The following PPM1H variants were observed in gnomAD, a reference collection of about 807,000 sequenced individuals.
The protein encoded by PPM1H is protein phosphatase, Mg2+/Mn2+ dependent 1H, also known as protein phosphatase 1H.
A neutral mutation model predicts 54.9 loss-of-function variants in PPM1H; 27 were observed. The ratio of observed to expected loss-of-function variants is 0.49; its 90% CI spans 0.36 to 0.68. PPM1H has a LOEUF of 0.68. PPM1H is among the 30% of genes least tolerant of loss of function. PPM1H has a pLI of 0.00. For synonymous variants in PPM1H, 305 were observed against 270.8 expected, an observed-to-expected ratio of 1.13 and a Z score of -1.24; for missense variants, 596 against 667.8, an observed-to-expected ratio of 0.89 and a Z score of 1.19.
intron 9 of PPM1H, among the ~76,000 whole-genome samples, chr12:62,664,459 T>A (rs570289098): frequency 6.6e-6 from 1 of 152,216 alleles, no homozygotes; most frequent in Admixed American, 6.5e-5. Context: ...ACCCTTTCTA[T>A]TATTTTAACA....
chr12:62,741,931 C>A (rs990365378), intron 4 of PPM1H, among the ~76,000 whole-genome samples: 1 of 152,032 alleles, frequency 6.6e-6, no homozygotes, highest in Non-Finnish European at 1.5e-5. Context: ...AACTTATAGT[C>A]TGAGCCCTTA....
chr12:62,657,396 C>T (rs1216585006), intron 9 of PPM1H, among the ~76,000 whole-genome samples: 1 of 152,154 alleles, frequency 6.6e-6, no homozygotes, highest in African/African-American at 2.4e-5. Flanking sequence ...AGGGGCCACA[C>T]AGCTCTGCCA....
At chr12:62,771,824 C>T (rs73314583) in intron 4 of PPM1H, among the ~76,000 whole-genome samples, 2,184 of 152,262 alleles carry the variant, frequency 0.014, 48 homozygotes, top group African/African-American at 0.05. Flanking sequence ...CCCCACACCC[C>T]GTTACAATGT....
intron 1 of PPM1H, among the ~76,000 whole-genome samples, chr12:62,915,901 T>G (rs941196495): frequency 3.9e-5 from 6 of 152,150 alleles, no homozygotes; most frequent in Non-Finnish European, 8.8e-5. Flanking sequence ...CGTCATGACC[T>G]TCCTCATGCT....
intron 1 of PPM1H, among the ~76,000 whole-genome samples, chr12:62,857,404 A>G (rs2120956747): frequency 6.6e-6 from 1 of 152,300 alleles, no homozygotes; most frequent in East Asian, 1.9e-4. Context: ...GTTGTGATCA[A>G]TGAGAACACA....
chr12:62,858,745 T>C (rs918141484), intron 1 of PPM1H, among the ~76,000 whole-genome samples: 1 of 152,224 alleles, frequency 6.6e-6, no homozygotes, highest in Non-Finnish European at 1.5e-5. Context: ...TAAGGAGATA[T>C]GGGTAAACAT....
chr12:62,718,133 C>A (rs1367185870), intron 6 of PPM1H, among the ~76,000 whole-genome samples: 1 of 152,156 alleles, frequency 6.6e-6, no homozygotes, highest in Non-Finnish European at 1.5e-5. Context: ...ATAATTGCTG[C>A]CTGTTTACTA....
chr12:62,900,202 C>T (rs10877926), intron 1 of PPM1H, among the ~76,000 whole-genome samples: 29,224 of 152,144 alleles, frequency 0.19, 2,926 homozygotes, highest in East Asian at 0.31. Flanking sequence ...CTGACTTCCT[C>T]GTTTGGATAA....
chr12:62,875,769 G>T (rs1458587857), intron 1 of PPM1H, among the ~76,000 whole-genome samples: 1 of 152,158 alleles, frequency 6.6e-6, no homozygotes. Flanking sequence ...ACCTGGCATG[G>T]TTTTATGCTT....
chr12:62,729,507 G>C (rs955065583), intron 5 of PPM1H, among the ~76,000 whole-genome samples: 24 of 152,212 alleles, frequency 1.6e-4, no homozygotes, highest in Non-Finnish European at 2.1e-4. Context: ...ATGTGGTAAA[G>C]TGCTCTTCTC....
chr12:62,904,056 G>C (rs967150871), intron 1 of PPM1H, among the ~76,000 whole-genome samples: 9 of 151,972 alleles, frequency 5.9e-5, no homozygotes, highest in African/African-American at 1.7e-4. Context: ...AATGGTTAAG[G>C]CTGTCATATT....
chr12:62,653,543 A>C (rs2075826710), intron 9 of PPM1H, among the ~76,000 whole-genome samples: 1 of 152,140 alleles, frequency 6.6e-6, no homozygotes, highest in Non-Finnish European at 1.5e-5. Context: ...CTCTCTTCTA[A>C]ACTTGTTCTG....
chr12:62,736,228 A>G (rs191512224), intron 5 of PPM1H, among the ~76,000 whole-genome samples: 187 of 152,304 alleles, frequency 1.2e-3, no homozygotes, highest in Non-Finnish European at 2.1e-3. Context: ...CCAGCTCTCC[A>G]TTTCACAAGT....
rs17679568 is a variant in PPM1H, at chr12:62,869,855, T to C, written c.246-37576A>G. 4.5e-3 allele frequency among the ~76,000 whole-genome samples: 684 copies of C among 152,272 alleles called. 2 individuals are homozygous for C. Among genetic ancestry groups the C allele is most frequent in the Middle Eastern group, 0.017 (5 of 294 alleles). Reference sequence around the variant, plus strand: ...CAAGGCCTTCAAACATGCTGTACCATGTGTGTGAGTCACTCTTACCCCCAA... The same window carrying C: ...CAAGGCCTTCAAACATGCTGTACCACGTGTGTGAGTCACTCTTACCCCCAA... On this transcript the variant is annotated intron_variant, in intron 1 of 9. Coordinates refer to ENST00000228705, the MANE Select transcript of PPM1H (RefSeq NM_020700.2).
intron 7 of PPM1H, among the ~76,000 whole-genome samples, chr12:62,691,776 T>C (rs1368901807): frequency 1.3e-5 from 2 of 150,794 alleles, no homozygotes; most frequent in African/African-American, 4.9e-5. Context: ...TGAGCCGAGA[T>C]TGTGCCACCG....
chr12:62,931,697 G>T (rs1329904118), intron 1 of PPM1H, among the ~76,000 whole-genome samples: 1 of 152,164 alleles, frequency 6.6e-6, no homozygotes, highest in Non-Finnish European at 1.5e-5. Flanking sequence ...TGGGCAAGTT[G>T]CTTAATCACT....
chr12:62,885,084 G>A (rs1287632538), intron 1 of PPM1H, among the ~76,000 whole-genome samples: 2 of 152,114 alleles, frequency 1.3e-5, no homozygotes, highest in African/African-American at 2.4e-5. Context: ...TAGGGAAGAA[G>A]CAAAAGTAGA....
At chr12:62,869,630 A>G (rs1022570843) in intron 1 of PPM1H, among the ~76,000 whole-genome samples, 6 of 152,204 alleles carry the variant, frequency 3.9e-5, no homozygotes, top group African/African-American at 1.4e-4. Flanking sequence ...AACTTAAAAC[A>G]GGAGCATGAC....
chr12:62,858,194 T>C (rs1318386381), intron 1 of PPM1H, among the ~76,000 whole-genome samples: 1 of 152,110 alleles, frequency 6.6e-6, no homozygotes, highest in African/African-American at 2.4e-5. Context: ...GTATTATAAT[T>C]ACATAATCAG....
Sources: allele counts gnomAD v4.1 joint callset (sites outside exome capture counted in the v4.1 genomes callset), GRCh38; gene constraint gnomAD v4.1.1; transcripts MANE v1.5; gene names NCBI Gene and HGNC (gene_info 2026-07-23, HGNC 2026-07-21).